MYO1E: variants seen among roughly 807,000 people sequenced by gnomAD.
The protein encoded by MYO1E is unconventional myosin-Ie.
Under a neutral mutation model 151.1 loss-of-function variants are expected in MYO1E, and 68 were observed. The ratio of observed to expected loss-of-function variants is 0.45; its 90% CI spans 0.37 to 0.55. The LOEUF (loss-of-function observed/expected upper bound fraction) is 0.55, where lower values mean the gene tolerates loss of function less well. Among genes scored for constraint, MYO1E ranks in the 20% least tolerant of loss-of-function variants. The pLI, the probability that MYO1E is intolerant of heterozygous loss-of-function variation, is 0.00. For synonymous variants in MYO1E, 601 were observed against 501.7 expected (o/e 1.20, Z -2.64); for missense variants, 1,363 against 1,389.3 (o/e 0.98, Z 0.30).
At position 59,214,678 on chromosome 15, in the gene MYO1E, T is replaced by A. The variant is rs532260829; in HGVS notation, c.1150A>T (p.Ile384Phe). The A allele has an allele frequency of 6.2e-7, 1 of 1,613,936 alleles. No homozygotes were observed. The highest frequency in any genetic ancestry group is 1.1e-5 in the South Asian group (1 of 91,084). Reference sequence around the variant, plus strand: ...AAGCCATAGATGTCTAGGACGCCAATGTTGTATTCTTCATGGTCTTTCTCC... The same window carrying A: ...AAGCCATAGATGTCTAGGACGCCAAAGTTGTATTCTTCATGGTCTTTCTCC... ...AMEKDHEEYN[I>F]GVLDIYGFEI... The change falls in exon 11 of 28, where the codon ATT (isoleucine) becomes TTT (phenylalanine). Residue 384 changes from isoleucine to phenylalanine, a missense_variant. Coordinates refer to ENST00000288235, the MANE Select transcript of MYO1E (RefSeq NM_004998.4).
intron 1 of MYO1E, among the ~76,000 whole-genome samples, chr15:59,365,263 T>TGC (rs2080906706): frequency 6.6e-6 from 1 of 152,022 alleles, no homozygotes; most frequent in African/African-American, 2.4e-5. Context: ...AGGTGATCCC[T>TGC]CCACCTCAGC....
At chr15:59,236,525 A>C (rs1364720663) in intron 5 of MYO1E, 60 bp downstream of exon 5, 11 of 1,433,382 alleles carry the variant, frequency 7.7e-6, no homozygotes, top group Non-Finnish European at 1.1e-5. Context: ...TCTAACAGCA[A>C]ATGGAGCCTC....
intron 22 of MYO1E, among the ~76,000 whole-genome samples, chr15:59,165,490 T>G (rs553281371): frequency 6.6e-6 from 1 of 152,360 alleles, no homozygotes; most frequent in African/African-American, 2.4e-5. Context: ...ATCATAGCCA[T>G]GCTTCTTGCC....
intron 14 of MYO1E, chr15:59,206,982 G>A: frequency 6.2e-7 from 1 of 1,614,180 alleles, no homozygotes; most frequent in East Asian, 2.2e-5. Context: ...GCCAGAGAGT[G>A]AGCTCGGTGG....
rs2079525140 is a variant in MYO1E, at chr15:59,159,285, GA to G, written c.2786-907del. 1.3e-5 allele frequency among the ~76,000 whole-genome samples: 2 copies of G among 152,212 alleles called. No individual in the cohort carries two copies. Among genetic ancestry groups the G allele is most frequent in the South Asian group, 4.1e-4 (2 of 4,832 alleles). On this transcript the variant is annotated intron_variant, in intron 24 of 27. Coordinates refer to ENST00000288235, the MANE Select transcript of MYO1E (RefSeq NM_004998.4). This position sits in a 1 kb window ranked among gnomAD's most constrained non-coding sequence, Gnocchi z 4.4. ...AGGCCACTCTCGCCACCCCAAATAA[GA>G]TAGAATCCAACACCTATTGGGCAAT...
chr15:59,349,602 A>C (rs2080812754), intron 1 of MYO1E, among the ~76,000 whole-genome samples: 1 of 152,194 alleles, frequency 6.6e-6, no homozygotes. Flanking sequence ...AATTCAGTGA[A>C]TGCATTACTA....
intron 1 of MYO1E, among the ~76,000 whole-genome samples, chr15:59,326,026 A>C (rs1265032624): frequency 2.0e-5 from 3 of 152,160 alleles, no homozygotes; most frequent in African/African-American, 7.2e-5. Context: ...GAGGGAAGTC[A>C]CCACACATTC....
intron 1 of MYO1E, among the ~76,000 whole-genome samples, chr15:59,291,153 G>A (rs1326882971): frequency 1.3e-5 from 2 of 152,200 alleles, no homozygotes; most frequent in African/African-American, 2.4e-5. Flanking sequence ...CAAAAATGCT[G>A]AAAGGATTTG....
chr15:59,209,445 A>AGT (rs1555411346), intron 13 of MYO1E, among the ~76,000 whole-genome samples: 2 of 134,248 alleles, frequency 1.5e-5, no homozygotes, highest in African/African-American at 5.3e-5. Context: ...TAGGAGGCCG[A>AGT]GGGGGGTGGA....
At chr15:59,218,280 T>C in intron 9 of MYO1E, 193 bp from the exon 10 acceptor site, 2 of 711,188 alleles carry the variant, frequency 2.8e-6, no homozygotes, top group Non-Finnish European at 5.0e-6. Context: ...CTCCTTTGTT[T>C]TTCCCAATTG....
Position 59,236,616 on chromosome 15 carries a change from G to A in MYO1E, c.389C>T (p.Ser130Phe), listed in dbSNP as rs2080068100. The change falls in exon 5 of 28, where the codon TCC becomes TTC. Residue 130 changes from serine to phenylalanine, a missense_variant. By Grantham distance (155) the Ser-to-Phe change is radical (BLOSUM62 -2). Transcript: ENST00000288235. ...TTTGGTCCCTCCTCCAGACACTCTG[G>A]AGATGTAGCTCATGATATATTTGGC... is the stretch of plus-strand genomic sequence containing the variant. ...VAAKYIMSYI[S>F]RVSGGGTKVQ... is the part of the protein sequence containing the mutation. The A allele has an allele frequency of 1.2e-6, 2 of 1,613,798 alleles. No individual in the cohort carries two copies. The highest frequency in any genetic ancestry group is 2.7e-5 in the African/African-American group (2 of 74,876).
At chr15:59,342,433 T>C (rs1353356155) in intron 1 of MYO1E, among the ~76,000 whole-genome samples, 1 of 152,210 alleles carries the variant, frequency 6.6e-6, no homozygotes, top group East Asian at 1.9e-4. Flanking sequence ...TGTCCTGGAG[T>C]CTTCCCAATG....
At chr15:59,325,398 G>C (rs1485179938) in intron 1 of MYO1E, among the ~76,000 whole-genome samples, 2 of 152,198 alleles carry the variant, frequency 1.3e-5, no homozygotes, top group Non-Finnish European at 2.9e-5. Flanking sequence ...TTTCGTGGAA[G>C]TGATCACAGC....
At chr15:59,257,679 C>T (rs966923836) in intron 3 of MYO1E, among the ~76,000 whole-genome samples, 9 of 152,122 alleles carry the variant, frequency 5.9e-5, no homozygotes, top group South Asian at 4.2e-4. Flanking sequence ...GCTTTGTATC[C>T]GATACCCAGT....
chr15:59,216,643 A>AGTGTGTGTGTGTGTGTGTGT (rs1301548766), intron 10 of MYO1E, among the ~76,000 whole-genome samples: 1,169 of 43,320 alleles, frequency 0.027, 137 homozygotes, highest in Middle Eastern at 0.061. Context: ...AAGGGCCCCC[A>AGTGTGTGTGTGTGTGTGTGT]GTGTGTGTGT....
chr15:59,333,797 A>G (rs984712846), intron 1 of MYO1E, among the ~76,000 whole-genome samples: 2 of 152,214 alleles, frequency 1.3e-5, no homozygotes, highest in Non-Finnish European at 2.9e-5. Context: ...TGAGTTCAGT[A>G]AATATTTTTT....
At chr15:59,285,264 C>T (rs1195115120) in intron 1 of MYO1E, among the ~76,000 whole-genome samples, 2 of 151,626 alleles carry the variant, frequency 1.3e-5, no homozygotes, top group East Asian at 3.9e-4. Context: ...CGGTTCATGT[C>T]CTTCATCTCA....
At chr15:59,259,035 G>C (rs1408119358) in intron 3 of MYO1E, among the ~76,000 whole-genome samples, 1 of 151,508 alleles carries the variant, frequency 6.6e-6, no homozygotes, top group African/African-American at 2.4e-5. Context: ...GGGCTCCAGT[G>C]ATCCTCCCAC....
intron 26 of MYO1E, among the ~76,000 whole-genome samples, chr15:59,146,358 T>G (rs879925917): frequency 6.6e-6 from 1 of 152,330 alleles, no homozygotes; most frequent in Admixed American, 6.5e-5. Context: ...GCTCTGTCAC[T>G]TGGCCGGAGT....
Sources: gnomAD v4.1 joint callset for allele counts (sites outside exome capture counted in the v4.1 genomes callset) on GRCh38, gnomAD v4.1.1 for gene constraint, Gnocchi (gnomAD v3.1) non-coding constraint, MANE v1.5 for transcripts, NCBI Gene and HGNC (gene_info 2026-07-23, HGNC 2026-07-21) for gene names.